Variants in TECPR2 observed in about 807,000 individuals in gnomAD.
TECPR2 encodes the protein tectonin beta-propeller repeat containing 2.
A neutral mutation model predicts 138.1 loss-of-function variants in TECPR2; 65 were observed. That is an observed-to-expected ratio of 0.47 (90% CI 0.39 to 0.58). The LOEUF is 0.58. Ranked by LOEUF, TECPR2 falls within the 20% of genes least tolerant of loss-of-function variation. The probability of loss-of-function intolerance (pLI) is 0.00; values close to 1 mark genes in which losing one functional copy is unlikely to be tolerated. For synonymous variants in TECPR2, 746 were observed against 749.8 expected, an observed-to-expected ratio of 0.99 and a Z score of 0.08; for missense variants, 1,553 against 1,824.5, an observed-to-expected ratio of 0.85 and a Z score of 2.71.
intron 2 of TECPR2, among the ~76,000 whole-genome samples, chr14:102,378,926 T>G (rs1887712356): frequency 6.6e-6 from 1 of 152,186 alleles, no homozygotes; most frequent in South Asian, 2.1e-4. Flanking sequence ...CACCTGCCCG[T>G]GTATTAATAT....
intron 18 of TECPR2, 87 bp from the exon 19 acceptor site, chr14:102,497,483 G>T: frequency 7.2e-7 from 1 of 1,398,258 alleles, no homozygotes; most frequent in Non-Finnish European, 9.4e-7. Context: ...CCTGGTGGAG[G>T]TGTGCAGCGT....
intron 11 of TECPR2, among the ~76,000 whole-genome samples, chr14:102,441,015 C>T (rs1280428107): frequency 1.3e-5 from 2 of 151,718 alleles, no homozygotes; most frequent in Non-Finnish European, 2.9e-5. Flanking sequence ...TATCAAAGCC[C>T]GGCTCCTATA....
At chr14:102,371,519 C>T (rs144160513) in intron 1 of TECPR2, among the ~76,000 whole-genome samples, 5 of 152,208 alleles carry the variant, frequency 3.3e-5, no homozygotes, top group East Asian at 1.9e-4. Flanking sequence ...CTCTTCTGCC[C>T]GCTGGGGACT....
rs1381020916 is a variant in TECPR2 at position 102,450,610 on chromosome 14, T to G, written c.3367T>G (p.Trp1123Gly). 1 of 1,614,198 alleles carries G rather than the reference T, an allele frequency of 6.2e-7. No individual in the cohort carries two copies. Among genetic ancestry groups the G allele is most frequent in the Admixed American group, 1.7e-5 (1 of 60,020 alleles). ...CCGTGGGACAGCTTCTGCTACAAAA[T>G]GGGCCTTTGTGTTGGCTTCTGCAGC... ...VPRGTASATK[W>G]AFVLASAAPT... is the part of the protein sequence containing the mutation. The change falls in exon 15 of 20, where the codon TGG (tryptophan) becomes GGG (glycine). Residue 1123 changes from tryptophan (W) to glycine (G), a missense_variant. Physicochemically the swap from Trp to Gly is radical, Grantham distance 184. Coordinates refer to ENST00000359520, the MANE Select transcript of TECPR2 (RefSeq NM_014844.5).
rs1228985786 is a variant in TECPR2 at position 102,449,882 on chromosome 14, C to T, written c.3316+13C>T. The T allele has an allele frequency of 6.2e-7, 1 of 1,610,104 alleles. No homozygotes were observed. The highest frequency in any genetic ancestry group is 8.5e-7 in the Non-Finnish European group (1 of 1,178,550). On this transcript the variant is annotated intron_variant, in intron 14 of 19. Coordinates refer to ENST00000359520, the MANE Select transcript of TECPR2 (RefSeq NM_014844.5). ...GGAAGTCTCATAGGTGGGTGAATTG[C>T]TGTAATTTTCACACTGGCTTTATAG... is the stretch of plus-strand genomic sequence containing the variant.
chr14:102,496,850 T>C (rs1891294314), intron 17 of TECPR2, 129 bp from the exon 18 acceptor site: 1 of 1,404,236 alleles, frequency 7.1e-7, no homozygotes, highest in Non-Finnish European at 9.7e-7. Flanking sequence ...ACGTGGCCTC[T>C]CTGCCTCCTG....
At chr14:102,366,957 C>T (rs1887360491) in intron 1 of TECPR2, among the ~76,000 whole-genome samples, 1 of 152,094 alleles carries the variant, frequency 6.6e-6, no homozygotes, top group Non-Finnish European at 1.5e-5. Flanking sequence ...TAAGCTGAGA[C>T]CCCACAGTTG....
intron 8 of TECPR2, among the ~76,000 whole-genome samples, chr14:102,433,094 CAGA>C (rs1889556478): frequency 6.6e-6 from 1 of 151,710 alleles, no homozygotes; most frequent in Non-Finnish European, 1.5e-5. Context: ...TTGTGGAAAC[CAGA>C]AGATCTATGC....
chr14:102,422,305 G>T (rs1020071102), intron 5 of TECPR2, among the ~76,000 whole-genome samples: 1 of 152,184 alleles, frequency 6.6e-6, no homozygotes, highest in Non-Finnish European at 1.5e-5. Flanking sequence ...TCATTGATAG[G>T]TTCTTGGAAA....
chr14:102,453,202 G>T (rs914630334), intron 16 of TECPR2, among the ~76,000 whole-genome samples: 1 of 152,168 alleles, frequency 6.6e-6, no homozygotes, highest in African/African-American at 2.4e-5. Context: ...TAGGCCGGGC[G>T]CAGTGGCTCA....
chr14:102,445,983 C>G, intron 13 of TECPR2, 36 bp downstream of exon 13: 1 of 1,576,512 alleles, frequency 6.3e-7, no homozygotes, highest in East Asian at 2.3e-5. Context: ...GCCGAGGTCT[C>G]CCGACCTTTT....
At chr14:102,470,959 C>T (rs1890642936) in intron 17 of TECPR2, among the ~76,000 whole-genome samples, 1 of 152,026 alleles carries the variant, frequency 6.6e-6, no homozygotes, top group Admixed American at 6.6e-5. Context: ...GCTGGGATTA[C>T]AGGCATGCAC....
intron 17 of TECPR2, among the ~76,000 whole-genome samples, chr14:102,475,496 A>G (rs1890739600): frequency 6.6e-6 from 1 of 152,154 alleles, no homozygotes; most frequent in Admixed American, 6.6e-5. Flanking sequence ...ATGCACCCAT[A>G]AGTAGGTCAG....
intron 17 of TECPR2, among the ~76,000 whole-genome samples, chr14:102,488,293 A>G (rs1891081573): frequency 6.7e-6 from 1 of 149,594 alleles, no homozygotes; most frequent in African/African-American, 2.5e-5. Flanking sequence ...AGCTGGGATT[A>G]TAGGTGTAAG....
chr14:102,442,172 T>A lies in TECPR2; in HGVS notation c.2753-1475T>A, dbSNP rs891160057. Among the ~76,000 whole-genome samples, 6 of 152,256 alleles carry A rather than the reference T, an allele frequency of 3.9e-5. No homozygotes were observed. In the South Asian group the frequency reaches 8.3e-4, roughly 21 times the overall value. On this transcript the variant is annotated intron_variant, in intron 11 of 19. Transcript: ENST00000359520. ...TTTTGTATTTTTAGTAGAGGCAGGG[T>A]TTCACTATGTTGGCCAGTCTGGTCT...
chr14:102,367,225 A>G (rs1887366195), intron 1 of TECPR2, among the ~76,000 whole-genome samples: 1 of 152,002 alleles, frequency 6.6e-6, no homozygotes, highest in African/African-American at 2.4e-5. Flanking sequence ...AGGAGCTGAT[A>G]TTTTCCTTTG....
At chr14:102,480,120 T>C (rs1023790067) in intron 17 of TECPR2, among the ~76,000 whole-genome samples, 2 of 152,098 alleles carry the variant, frequency 1.3e-5, no homozygotes, top group Non-Finnish European at 2.9e-5. Context: ...ATTAGAGCCA[T>C]CAGAGGAGCT....
At chr14:102,428,473 C>G in intron 7 of TECPR2, 91 bp downstream of exon 7, 2 of 1,568,806 alleles carry the variant, frequency 1.3e-6, no homozygotes, top group Admixed American at 3.9e-5. Context: ...ATCAAACTTA[C>G]CATTGGGCCA....
rs144527153 is a variant in TECPR2, at chr14:102,437,560, G to GAAAA, written c.2395-455_2395-452dup. On this transcript the variant is annotated intron_variant, in intron 9 of 19. Coordinates refer to ENST00000359520, the MANE Select transcript of TECPR2 (RefSeq NM_014844.5). ...CAGAGCGAGTCTCTGTCTCAAAAAG[G>GAAAA]AAAAAAAAAAGAAAATATGGTGGAA... Among the ~76,000 whole-genome samples, 11 of 145,710 alleles carry GAAAA rather than the reference G, an allele frequency of 7.5e-5. 1 individual carries two copies. Among genetic ancestry groups the GAAAA allele is most frequent in the Admixed American group, 4.1e-4 (6 of 14,680 alleles).
Sources: allele counts gnomAD v4.1 joint callset (sites outside exome capture counted in the v4.1 genomes callset), GRCh38; gene constraint gnomAD v4.1.1; transcripts MANE v1.5; gene names NCBI Gene and HGNC (gene_info 2026-07-23, HGNC 2026-07-21).